Variants in ANKRD28 observed in about 807,000 individuals in gnomAD.
The protein encoded by ANKRD28 is serine/threonine-protein phosphatase 6 regulatory ankyrin repeat subunit A.
ANKRD28 carries 44 observed loss-of-function variants against 126.5 expected under a neutral mutation model. That is an observed-to-expected ratio of 0.35 (90% CI 0.27 to 0.45). ANKRD28 has a LOEUF of 0.45. Among genes scored for constraint, ANKRD28 ranks in the 20% least tolerant of loss-of-function variants. ANKRD28 has a pLI of 1.00. For synonymous variants in ANKRD28, 442 were observed against 468.5 expected (o/e 0.94, Z 0.73); for missense variants, 1,110 against 1,316.6 (o/e 0.84, Z 2.43).
intron 1 of ANKRD28, among the ~76,000 whole-genome samples, chr3:15,810,994 A>G (rs1025303278): frequency 6.6e-6 from 1 of 152,200 alleles, no homozygotes; most frequent in African/African-American, 2.4e-5. Flanking sequence ...TCCCCTATAA[A>G]TTCATAACTC....
chr3:15,784,863 C>A (rs767411415), intron 2 of ANKRD28, among the ~76,000 whole-genome samples: 4 of 151,942 alleles, frequency 2.6e-5, no homozygotes, highest in Non-Finnish European at 5.9e-5. Flanking sequence ...AATCTGTCTC[C>A]CCAACTAGAA....
chr3:15,730,811 T>A (rs554014780), intron 6 of ANKRD28, among the ~76,000 whole-genome samples: 1 of 152,324 alleles, frequency 6.6e-6, no homozygotes, highest in East Asian at 1.9e-4. Context: ...TTTAAATGTG[T>A]CCTCCGAAGT....
intron 1 of ANKRD28, among the ~76,000 whole-genome samples, chr3:15,837,301 CCTAA>C (rs1348120767): frequency 1.3e-5 from 2 of 152,004 alleles, no homozygotes; most frequent in African/African-American, 2.4e-5. Context: ...ATAAATTTGA[CCTAA>C]CTGACATCTA....
At position 15,797,774 on chromosome 3, in the gene ANKRD28, A is replaced by T. The variant is rs2060344291; in HGVS notation, c.-1253T>A. 3.0e-6 allele frequency: 3 copies of T among 985,310 alleles called. No individual in the cohort carries two copies. Among genetic ancestry groups the T allele is most frequent in the Non-Finnish European group, 3.6e-6 (3 of 829,948 alleles). 61.0% of individuals were successfully genotyped at this position (985,310 alleles called of 1,614,324 possible). ...AAACCGCCACAGTTATCCTTTTCAG[A>T]TTTCAAATGCTTTCCTGTTCCTCAG... On this transcript the variant is annotated 5_prime_UTR_variant, in exon 1 of 28. Coordinates refer to ENST00000683139, the MANE Select transcript of ANKRD28 (RefSeq NM_001349278.2).
At chr3:15,708,258 G>A (rs896189843) in intron 13 of ANKRD28, among the ~76,000 whole-genome samples, 194 bp from the exon 14 acceptor site, 1 of 152,178 alleles carries the variant, frequency 6.6e-6, no homozygotes, top group East Asian at 1.9e-4. Flanking sequence ...GAACCTTTAA[G>A]TATATGAAAT....
chr3:15,773,177 T>C (rs1323027516), intron 2 of ANKRD28, among the ~76,000 whole-genome samples: 1 of 151,706 alleles, frequency 6.6e-6, no homozygotes, highest in Non-Finnish European at 1.5e-5. Context: ...GAAAAGTTGT[T>C]GAATGCAAGG....
chr3:15,850,206 T>A (rs985968108), intron 1 of ANKRD28, among the ~76,000 whole-genome samples: 4,021 of 34,392 alleles, frequency 0.12, 213 homozygotes, highest in African/African-American at 0.19. Context: ...AAAAAAAAAA[T>A]ATATATATAT....
intron 13 of ANKRD28, 130 bp from the exon 14 acceptor site, chr3:15,708,194 T>G (rs779102059): frequency 3.3e-5 from 35 of 1,053,554 alleles, no homozygotes; most frequent in Non-Finnish European, 4.4e-5. Flanking sequence ...TACCATATAC[T>G]AAGTCTTGCG....
intron 14 of ANKRD28, among the ~76,000 whole-genome samples, chr3:15,705,605 TTC>T (rs2071245301): frequency 6.6e-6 from 1 of 152,228 alleles, no homozygotes; most frequent in South Asian, 2.1e-4. Flanking sequence ...CCAAAATATT[TTC>T]TGATTTATAG....
chr3:15,751,899 T>C (rs1575537099), intron 3 of ANKRD28, 79 bp from the exon 4 acceptor site: 4 of 951,344 alleles, frequency 4.2e-6, no homozygotes, highest in East Asian at 5.6e-5. Context: ...AGTAGTTATA[T>C]ATAATCCAAA....
chr3:15,797,664 A>T lies in ANKRD28; in HGVS notation c.-1143T>A. 1 of 985,424 alleles carries T rather than the reference A, an allele frequency of 1.0e-6. No individual in the cohort carries two copies. Among genetic ancestry groups the T allele is most frequent in the Non-Finnish European group, 1.2e-6 (1 of 829,926 alleles). The allele number at this position is 985,424 out of a possible 1,614,324, so 61.0% of individuals were successfully genotyped here. ...TTAAACAGTCTTCATTCAGAGAAAA[A>T]AATAGCAGACTGTGCATCTTCTTTG... On this transcript the variant is annotated 5_prime_UTR_variant, in exon 1 of 28. Coordinates refer to ENST00000683139, the MANE Select transcript of ANKRD28 (RefSeq NM_001349278.2).
chr3:15,750,173 TCTTATGA>T, intron 4 of ANKRD28, among the ~76,000 whole-genome samples: 1 of 152,352 alleles, frequency 6.6e-6, no homozygotes. Context: ...AATTGTACCT[TCTTATGA>T]CTTAATCTGG....
At chr3:15,713,699 C>T (rs2126087451) in intron 9 of ANKRD28, 58 bp from the exon 10 acceptor site, 2 of 1,118,064 alleles carry the variant, frequency 1.8e-6, no homozygotes, top group Non-Finnish European at 2.5e-6. Context: ...GTCAAACGTA[C>T]TACATGAAAA....
Position 15,714,583 on chromosome 3 carries a change from T to C in ANKRD28, c.1070A>G (p.Gln357Arg), listed in dbSNP as rs770552758. The C allele has an allele frequency of 1.9e-6, 3 of 1,566,056 alleles. No individual in the cohort carries two copies. The highest frequency in any genetic ancestry group is 2.6e-6 in the Non-Finnish European group (3 of 1,162,492). ...GRFSRSQTII[Q>R]SGAVIDCEDK... The stretch of plus-strand genomic sequence containing the variant: ...AAAACAGAAATACTTTTTACCACTC[T>C]GGATAATGGTTTGTGATCGGGAGAA... The change falls in exon 9 of 28, where the codon CAG becomes CGG. Residue 357 changes from glutamine to arginine, a missense_variant. Transcript: ENST00000683139.
At chr3:15,800,431 A>G (rs1462918021), upstream of ANKRD28, among the ~76,000 whole-genome samples, 1 of 152,116 alleles carries the variant, frequency 6.6e-6, no homozygotes, top group East Asian at 1.9e-4. Context: ...TGTGAAATCT[A>G]AACAAGATAA....
At chr3:15,722,258 A>T (rs933497269) in intron 7 of ANKRD28, among the ~76,000 whole-genome samples, 14 of 152,192 alleles carry the variant, frequency 9.2e-5, no homozygotes, top group African/African-American at 9.7e-5. Context: ...CCACATGGAC[A>T]ACCAATCAAG....
At chr3:15,691,495 C>T (rs554317937) in intron 17 of ANKRD28, among the ~76,000 whole-genome samples, 1 of 152,292 alleles carries the variant, frequency 6.6e-6, no homozygotes, top group Admixed American at 6.5e-5. Context: ...AACATGGCAA[C>T]TGAACATATA....
chr3:15,685,076 C>G (rs542526107), intron 21 of ANKRD28, 150 bp downstream of exon 21: 2 of 707,278 alleles, frequency 2.8e-6, no homozygotes, highest in Non-Finnish European at 4.7e-6. Context: ...AGTGAGCCTA[C>G]GTACTAAGTA....
chr3:15,850,411 A>T (rs2061627878), intron 1 of ANKRD28, among the ~76,000 whole-genome samples: 1 of 151,958 alleles, frequency 6.6e-6, no homozygotes, highest in East Asian at 1.9e-4. Context: ...TAGCTTAAAA[A>T]ACAGAAATGT....
Sources: gnomAD v4.1 joint callset for allele counts (sites outside exome capture counted in the v4.1 genomes callset) on GRCh38, gnomAD v4.1.1 for gene constraint, MANE v1.5 for transcripts, NCBI Gene and HGNC (gene_info 2026-07-23, HGNC 2026-07-21) for gene names.